The following NBPF3 variants were observed in gnomAD, a reference collection of about 807,000 sequenced individuals.
The protein encoded by NBPF3 is NBPF family member NBPF3.
NBPF3 carries 57 observed loss-of-function variants against 78.1 expected under a neutral mutation model. The ratio of observed to expected loss-of-function variants is 0.73; its 90% CI spans 0.59 to 0.91. NBPF3 has a LOEUF of 0.91. Ranked by LOEUF, NBPF3 falls within the 40% of genes least tolerant of loss-of-function variation. The pLI, the probability that NBPF3 is intolerant of heterozygous loss-of-function variation, is 0.00. For synonymous variants in NBPF3, 182 were observed against 271.7 expected, an observed-to-expected ratio of 0.67 and a Z score of 3.25; for missense variants, 510 against 715.3, an observed-to-expected ratio of 0.71 and a Z score of 3.27.
At position 21,459,964 on chromosome 1, in the gene NBPF3, C is replaced by T. The variant is rs1641862431; in HGVS notation, c.134-8724C>T. The T allele has an allele frequency of 6.7e-5, 2 of 29,956 alleles. 1 individual carries two copies. 1.9% of individuals were successfully genotyped at this position (29,956 alleles called of 1,614,324 possible). A position where few individuals can be genotyped will look rare whatever the true frequency, so the allele number is the denominator to read the frequency against. ...CCAACCTTAGCTGGCGTGATGTTCACGAAGGTTTTTCCCTGGGACGGCGGC... is the reference window on the plus strand; with the variant it reads ...CCAACCTTAGCTGGCGTGATGTTCATGAAGGTTTTTCCCTGGGACGGCGGC... On this transcript the variant is annotated intron_variant, in intron 2 of 14. Transcript: ENST00000318249.
chr1:21,471,370 G>A (rs1465753773), intron 4 of NBPF3, among the ~76,000 whole-genome samples, 199 bp from the exon 5 acceptor site: 1 of 152,136 alleles, frequency 6.6e-6, no homozygotes, highest in Non-Finnish European at 1.5e-5. Flanking sequence ...GGTCTTCCAG[G>A]AGCCCTCTCT....
At chr1:21,446,628 A>C (rs1430254679) in intron 2 of NBPF3, 1 of 136,934 alleles carries the variant, frequency 7.3e-6, no homozygotes, top group Non-Finnish European at 1.5e-5. Context: ...TTTCTCTCTC[A>C]TGCTCTTTTT....
chr1:21,452,556 A>C (rs992603349), intron 2 of NBPF3, among the ~76,000 whole-genome samples: 1 of 152,240 alleles, frequency 6.6e-6, no homozygotes, highest in African/African-American at 2.4e-5. Context: ...ATTGGAGATT[A>C]TTGCGGTGAA....
chr1:21,453,005 A>G (rs1466708787), intron 2 of NBPF3, among the ~76,000 whole-genome samples: 3 of 152,020 alleles, frequency 2.0e-5, no homozygotes, highest in Non-Finnish European at 4.4e-5. Context: ...CAGACTTTGG[A>G]ATATTAGTGT....
At chr1:21,457,251 A>G (rs192702845) in intron 2 of NBPF3, among the ~76,000 whole-genome samples, 2 of 151,486 alleles carry the variant, frequency 1.3e-5, no homozygotes, top group African/African-American at 4.8e-5. Flanking sequence ...ATCTATCGTT[A>G]TCTCCAAACA....
At chr1:21,477,717 T>G (rs1642959737) in intron 8 of NBPF3, among the ~76,000 whole-genome samples, 1 of 144,714 alleles carries the variant, frequency 6.9e-6, no homozygotes, top group Middle Eastern at 3.2e-3. Context: ...AATAAACATA[T>G]TATATCAAAA....
chr1:21,471,555 C>T lies in NBPF3; in HGVS notation c.447-14C>T. The stretch of plus-strand genomic sequence containing the variant: ...CCTTTCCACTGTTAAATTTTCTCTA[C>T]TATCTCACCTTAGGCAATATAAAGT... On this transcript the variant is annotated splice_polypyrimidine_tract_variant and intron_variant, in intron 4 of 14. Coordinates refer to ENST00000318249, the MANE Select transcript of NBPF3 (RefSeq NM_032264.6). The T allele has an allele frequency of 6.2e-7, 1 of 1,611,862 alleles. No homozygotes were observed. Among genetic ancestry groups the T allele is most frequent in the East Asian group, 2.2e-5 (1 of 44,860 alleles).
intron 10 of NBPF3, among the ~76,000 whole-genome samples, chr1:21,479,810 CTCTCTCTCTCTG>C (rs1643090698): frequency 1.7e-5 from 2 of 117,578 alleles, no homozygotes; most frequent in Non-Finnish European, 3.7e-5. Flanking sequence ...CTCTCTCTCT[CTCTCTCTCTCTG>C]TGTGTGTGTG....
chr1:21,478,746 C>T lies in NBPF3; in HGVS notation c.1156+439C>T, dbSNP rs118045603. ...CCAGTGTCACCCTTGTCTACCTCTC[C>T]GTGGAAGATGTGACCCAGGTTTCAC... On this transcript the variant is annotated intron_variant, in intron 9 of 14. Transcript: ENST00000318249. Among the ~76,000 whole-genome samples, 52 of 152,358 alleles carry T rather than the reference C, an allele frequency of 3.4e-4. 2 individuals carry two copies. In the East Asian group the frequency reaches 9.8e-3, roughly 29 times the overall value.
intron 2 of NBPF3, among the ~76,000 whole-genome samples, chr1:21,459,203 G>A (rs1272355098): frequency 6.6e-6 from 1 of 152,158 alleles, no homozygotes; most frequent in East Asian, 1.9e-4. Context: ...TTAGAGAAAT[G>A]TAAAAGCTAA....
chr1:21,474,792 T>C, intron 7 of NBPF3, 108 bp from the exon 8 acceptor site: 1 of 1,037,892 alleles, frequency 9.6e-7, no homozygotes, highest in Non-Finnish European at 1.5e-6. Flanking sequence ...GAATCCATAT[T>C]CTTGCACTGA....
At chr1:21,438,438 C>T (rs952542686), upstream of NBPF3, among the ~76,000 whole-genome samples, 11 of 152,272 alleles carry the variant, frequency 7.2e-5, no homozygotes, top group Admixed American at 5.9e-4. Context: ...TAGAAAATCA[C>T]TTCTCCATGC....
In NBPF3 at chr1:21,458,816, A is replaced by G. The variant is rs186715213; in HGVS notation, c.134-9872A>G. 3.3e-5 allele frequency among the ~76,000 whole-genome samples: 5 copies of G among 152,306 alleles called. No individual in the cohort carries two copies. In the East Asian group the frequency reaches 7.7e-4, roughly 23 times the overall value. ...CTTTGGGGCGTAGGGAAATTCCTCT[A>G]TCTTGGTTGTGGCAGTAGTTCCATT... On this transcript the variant is annotated intron_variant, in intron 2 of 14. Coordinates refer to ENST00000318249, the MANE Select transcript of NBPF3 (RefSeq NM_032264.6).
rs2148031635 is a variant in NBPF3 at position 21,484,287 on chromosome 1, T to C, written c.*901T>C. 1 of 146,914 alleles carries C rather than the reference T, an allele frequency of 6.8e-6. No individual in the cohort carries two copies. Among genetic ancestry groups the C allele is most frequent in the South Asian group, 2.4e-4 (1 of 4,236 alleles). The allele number at this position is 146,914 out of a possible 1,614,324, so 9.1% of individuals were successfully genotyped here. On this transcript the variant is annotated 3_prime_UTR_variant, in exon 15 of 15. Transcript: ENST00000318249. ...ATATTTTGGGTTCAGAAGAAGTAAA[T>C]GATAATGTAGCTACATTTCTTTAGT...
At chr1:21,470,323 G>T (rs1026705061) in intron 3 of NBPF3, among the ~76,000 whole-genome samples, 1 of 152,198 alleles carries the variant, frequency 6.6e-6, no homozygotes, top group Admixed American at 6.5e-5. Flanking sequence ...AGGCTGCAAG[G>T]CTTGGGAAAG....
chr1:21,460,622 T>G lies in NBPF3; in HGVS notation c.134-8066T>G, dbSNP rs1641900748. Among the ~76,000 whole-genome samples, 1 of 152,232 alleles carries G rather than the reference T, an allele frequency of 6.6e-6. No homozygotes were observed. The highest frequency in any genetic ancestry group is 2.1e-4 in the South Asian group (1 of 4,832). On this transcript the variant is annotated intron_variant, in intron 2 of 14. Transcript: ENST00000318249. This position sits in a 1 kb window ranked among gnomAD's most constrained non-coding sequence, Gnocchi z 4.2. ...ACCACTCTTCATCATACACTGAAATTAACTTAAGATGTGAAAGTTAAAATT... is the reference window on the plus strand; with the variant it reads ...ACCACTCTTCATCATACACTGAAATGAACTTAAGATGTGAAAGTTAAAATT...
At chr1:21,448,313 A>G (rs1029027384) in intron 2 of NBPF3, among the ~76,000 whole-genome samples, 25 of 151,224 alleles carry the variant, frequency 1.7e-4, no homozygotes, top group African/African-American at 5.4e-4. Context: ...TATAACATGC[A>G]TACCTGGATT....
intron 3 of NBPF3, among the ~76,000 whole-genome samples, chr1:21,469,106 G>A (rs1279785768): frequency 6.6e-6 from 1 of 152,184 alleles, no homozygotes; most frequent in East Asian, 1.9e-4. Flanking sequence ...AGGTGGGGGT[G>A]GGCCTAGAGT....
rs1334160022 is a variant in NBPF3, at chr1:21,471,448, T to C, written c.447-121T>C. ...GGGCACAGACATTTCTTTAAACATG[T>C]GCTGACCTTCTGCTTGGAGGTCTCC... On this transcript the variant is annotated intron_variant, in intron 4 of 14. Coordinates refer to ENST00000318249, the MANE Select transcript of NBPF3 (RefSeq NM_032264.6). 3.4e-6 allele frequency: 5 copies of C among 1,485,674 alleles called. No individual in the cohort carries two copies. The East Asian group carries it at 1.1e-4, about 34-fold the overall frequency. The allele number at this position is 1,485,674 out of a possible 1,614,324, so 92.0% of individuals were successfully genotyped here.
Sources: gnomAD v4.1 joint callset for allele counts (sites outside exome capture counted in the v4.1 genomes callset) on GRCh38, gnomAD v4.1.1 for gene constraint, Gnocchi (gnomAD v3.1) non-coding constraint, MANE v1.5 for transcripts, NCBI Gene and HGNC (gene_info 2026-07-23, HGNC 2026-07-21) for gene names.